Variants in ZNF687 observed in about 807,000 individuals in gnomAD.
The protein encoded by ZNF687 is zinc finger protein 687.
Under a neutral mutation model 71.8 loss-of-function variants are expected in ZNF687, and 13 were observed. The ratio of observed to expected loss-of-function variants is 0.18; its 90% CI spans 0.12 to 0.29. The LOEUF is 0.29. Among genes scored for constraint, ZNF687 ranks in the 10% least tolerant of loss-of-function variants. ZNF687 has a pLI of 1.00. For synonymous variants in ZNF687, 673 were observed against 641.6 expected (o/e 1.05, Z -0.74); for missense variants, 1,412 against 1,625.6 (o/e 0.87, Z 2.26).
intron 1 of ZNF687, among the ~76,000 whole-genome samples, chr1:151,283,561 G>A (rs1401695116): frequency 6.6e-6 from 1 of 152,124 alleles, no homozygotes; most frequent in Admixed American, 6.5e-5. Flanking sequence ...CAAGAGGGAG[G>A]TGGCTGGCGG....
intron 1 of ZNF687, among the ~76,000 whole-genome samples, chr1:151,283,613 C>T (rs1326670319): frequency 2.0e-5 from 3 of 152,146 alleles, no homozygotes; most frequent in Admixed American, 6.5e-5. Flanking sequence ...TCTCCTAGTC[C>T]CCGCTGGTCT....
Position 151,289,909 on chromosome 1 carries a change from G to C in ZNF687, c.2866G>C (p.Gly956Arg), listed in dbSNP as rs767496295. 7 of 1,557,074 alleles carry C rather than the reference G, an allele frequency of 4.5e-6. No individual in the cohort carries two copies. The highest frequency in any genetic ancestry group is 6.1e-6 in the Non-Finnish European group (7 of 1,148,312). ...ACTAGGGAGCAAAGGCCTCAAGGGT[G>C]GGGGTGGGGGGCCTGGAGGCTGGAC... ...RELGSKGLKG[G>R]GGGPGGWTCG... Residue 956 changes from glycine (G) to arginine (R), a missense_variant, in exon 6 of 9, where the codon GGG becomes CGG. By Grantham distance (125) the Gly-to-Arg change is moderately radical (BLOSUM62 -2). Transcript: ENST00000336715.
intron 7 of ZNF687, 39 bp from the exon 8 acceptor site, chr1:151,290,393 G>A: frequency 6.2e-7 from 1 of 1,613,460 alleles, no homozygotes; most frequent in Non-Finnish European, 8.5e-7. Flanking sequence ...TGGCCTTCGG[G>A]CTGTGCCGCT....
rs1389754792 is a variant in ZNF687 at position 151,286,705 on chromosome 1, C to T, written c.414C>T (p.Pro138=). 2 of 1,614,188 alleles carry T rather than the reference C, an allele frequency of 1.2e-6. No individual in the cohort carries two copies. The highest frequency in any genetic ancestry group is 1.7e-6 in the Non-Finnish European group (2 of 1,180,014). ...CTGAACCTTCCCTCCCAGGAACTCC[C>T]CACTCTCCTGCTCCTCCCAGTGGGG... is the stretch of plus-strand genomic sequence containing the variant. ...GSPEPSLPGT[P]HSPAPPSGGT... The change falls in exon 2 of 9, where the codon CCC becomes CCT. Residue 138 remains proline (P), a synonymous_variant. Transcript: ENST00000336715.
chr1:151,283,109 C>A, intron 1 of ZNF687: 1 of 985,448 alleles, frequency 1.0e-6, no homozygotes. Context: ...CACGCCGGTG[C>A]GAGTGAGAGA....
chr1:151,288,716 AC>A lies in ZNF687; in HGVS notation c.2294+13del, dbSNP rs1165863080. The A allele has an allele frequency of 8.1e-6, 13 of 1,605,970 alleles. No individual in the cohort carries two copies. The highest frequency in any genetic ancestry group is 9.4e-6 in the Non-Finnish European group (11 of 1,175,328). On this transcript the variant is annotated intron_variant, in intron 3 of 8. Coordinates refer to ENST00000336715, the MANE Select transcript of ZNF687 (RefSeq NM_020832.3). ...GCCGTGTAGGATACAGGTGCCTCGG[AC>A]CCTTCCTCCATAGAACTGTAGGGTT...
upstream of ZNF687, chr1:151,282,140 T>G (rs587700798): frequency 1.1e-5 from 13 of 1,209,962 alleles, no homozygotes; most frequent in Admixed American, 2.1e-4. Context: ...GCGGGGCTAG[T>G]TCCGAGCGGC....
At position 151,289,856 on chromosome 1, in the gene ZNF687, C is replaced by T. The variant is rs74472096; in HGVS notation, c.2813C>T (p.Pro938Leu). 21 of 1,567,566 alleles carry T rather than the reference C, an allele frequency of 1.3e-5. No individual in the cohort carries two copies. Among genetic ancestry groups the T allele is most frequent in the African/African-American group, 1.1e-4 (8 of 73,726 alleles). Residue 938 changes from proline (P) to leucine (L), a missense_variant, in exon 6 of 9, where the codon CCC becomes CTC. This residue lies in a region of ZNF687 where 135 missense variants were observed against 104.1 expected (regional missense o/e 1.30). Transcript: ENST00000336715. The stretch of plus-strand genomic sequence containing the variant: ...GAAGTACCCAGCTCCCCTGAGCCCC[C>T]CCGTCCAGCCAAACGGCCTCGGCGG... ...EEEVPSSPEP[P>L]RPAKRPRREL...
intron 3 of ZNF687, 152 bp from the exon 4 acceptor site, chr1:151,288,943 C>T (rs587763750): frequency 3.0e-6 from 3 of 994,296 alleles, no homozygotes; most frequent in African/African-American, 3.3e-5. Context: ...GGGGCACAGC[C>T]TCTGCACCTC....
intron 1 of ZNF687, among the ~76,000 whole-genome samples, chr1:151,282,854 C>G (rs1475493846): frequency 6.6e-6 from 1 of 152,210 alleles, no homozygotes; most frequent in Non-Finnish European, 1.5e-5. Context: ...CCCGATCAGT[C>G]TCCAGTCTCT....
In ZNF687 at chr1:151,290,062, G is replaced by A. The variant is rs1571105525; in HGVS notation, c.2964+55G>A. The A allele has an allele frequency of 3.1e-6, 5 of 1,608,154 alleles. No homozygotes were observed. In the East Asian group the frequency reaches 8.9e-5, roughly 29 times the overall value. On this transcript the variant is annotated intron_variant, in intron 6 of 8. Transcript: ENST00000336715. The stretch of plus-strand genomic sequence containing the variant: ...GCTGGGGGCAGCATTGGGACTGCCA[G>A]TGTGACAGTGGGGACGGGGTCCTGG...
chr1:151,289,734 CCTG>C lies in ZNF687; in HGVS notation c.2695_2697del (p.Leu899del). ...CTGCTGGGAAAGGGGCCGGGGGTGC[CCTG>C]CTGACCCCCAAGACTGAGCCTGAGG... On this transcript the variant is annotated inframe_deletion, in exon 6 of 9. Transcript: ENST00000336715. 1 of 1,559,202 alleles carries C rather than the reference CCTG, an allele frequency of 6.4e-7. No homozygotes were observed. The highest frequency in any genetic ancestry group is 8.7e-7 in the Non-Finnish European group (1 of 1,150,920).
chr1:151,289,154 C>G lies in ZNF687; in HGVS notation c.2354C>G (p.Thr785Arg). ...GVNSIKSHIQ[T>R]SHCEVFHKCP... ...AACTCCATCAAGTCCCACATCCAGA[C>G]GTCGCACTGCGAGGTTTTCCACAAG... The change falls in exon 4 of 9, where the codon ACG (threonine) becomes AGG (arginine). Residue 785 changes from threonine to arginine, a missense_variant. By Grantham distance (71) the Thr-to-Arg change is moderately conservative. Transcript: ENST00000336715. The G allele has an allele frequency of 6.2e-7, 1 of 1,614,248 alleles. No individual in the cohort carries two copies. The highest frequency in any genetic ancestry group is 8.5e-7 in the Non-Finnish European group (1 of 1,180,044).
chr1:151,288,422 C>T lies in ZNF687; in HGVS notation c.2115+16C>T, dbSNP rs367951738. On this transcript the variant is annotated intron_variant, in intron 2 of 8. Transcript: ENST00000336715. ...CACCAGCAATGTGAGTCACCTTTCA[C>T]AGCCCTTCTGTGGGGACAGGATCTA... is the stretch of plus-strand genomic sequence containing the variant. 6 of 1,598,952 alleles carry T rather than the reference C, an allele frequency of 3.8e-6. No individual in the cohort carries two copies. The highest frequency in any genetic ancestry group is 2.2e-5 in the East Asian group (1 of 44,706).
Position 151,291,385 on chromosome 1 carries a change from T to G in ZNF687, c.*176T>G. ...ATTCTAGTTATTTGCAACCTCCCTTTGGGTTTGGCCCTGGAGTCCTAGTAG... is the reference window on the plus strand; with the variant it reads ...ATTCTAGTTATTTGCAACCTCCCTTGGGGTTTGGCCCTGGAGTCCTAGTAG... On this transcript the variant is annotated 3_prime_UTR_variant, in exon 9 of 9. Transcript: ENST00000336715. 1 of 896,660 alleles carries G rather than the reference T, an allele frequency of 1.1e-6. No homozygotes were observed. The highest frequency in any genetic ancestry group is 1.6e-6 in the Non-Finnish European group (1 of 613,196). The allele number at this position is 896,660 out of a possible 1,614,324, so 55.5% of individuals were successfully genotyped here.
Position 151,289,738 on chromosome 1 carries a change from C to T in ZNF687, c.2695C>T (p.Leu899=). The T allele has an allele frequency of 6.4e-7, 1 of 1,559,430 alleles. No individual in the cohort carries two copies. The highest frequency in any genetic ancestry group is 8.7e-7 in the Non-Finnish European group (1 of 1,151,030). ...TAGKGAGGAL[L]TPKTEPEELA... ...TGGGAAAGGGGCCGGGGGTGCCCTG[C>T]TGACCCCCAAGACTGAGCCTGAGGA... is the stretch of plus-strand genomic sequence containing the variant. The change falls in exon 6 of 9, where the codon CTG becomes TTG. Residue 899 remains leucine, a synonymous_variant. Coordinates refer to ENST00000336715, the MANE Select transcript of ZNF687 (RefSeq NM_020832.3).
chr1:151,282,752 G>A (rs887776443), intron 1 of ZNF687, among the ~76,000 whole-genome samples: 4 of 152,046 alleles, frequency 2.6e-5, no homozygotes, highest in Admixed American at 2.0e-4. Context: ...ACCTGGGCCA[G>A]GCCGGAGCAG....
Sources: gnomAD v4.1 joint callset for allele counts (sites outside exome capture counted in the v4.1 genomes callset) on GRCh38, gnomAD v4.1.1 for gene constraint, gnomAD v4.1.1 regional missense constraint, MANE v1.5 for transcripts, NCBI Gene and HGNC (gene_info 2026-07-23, HGNC 2026-07-21) for gene names.